The following SGCZ variants were observed in gnomAD, a reference collection of about 807,000 sequenced individuals.
The protein encoded by SGCZ is zeta-sarcoglycan.
In SGCZ, 40 loss-of-function variants were observed where a neutral mutation model predicts 41.3. The ratio of observed to expected loss-of-function variants is 0.97; its 90% CI spans 0.75 to 1.26. The LOEUF (loss-of-function observed/expected upper bound fraction) is 1.26, where lower values mean the gene tolerates loss of function less well. Among genes scored for constraint, SGCZ ranks in the 50% most tolerant of loss-of-function variants. The probability of loss-of-function intolerance (pLI) is 0.00; values close to 1 mark genes in which losing one functional copy is unlikely to be tolerated. For missense variants in SGCZ, 552 were observed against 369.8 expected (o/e 1.49, Z -4.04); for synonymous variants, 206 against 137.5 (o/e 1.50, Z -3.49).
intron 4 of SGCZ, among the ~76,000 whole-genome samples, chr8:14,175,866 TA>T (rs1372724770): frequency 6.6e-6 from 1 of 152,006 alleles, no homozygotes; most frequent in African/African-American, 2.4e-5. Context: ...CAAAAATAAT[TA>T]AATTGATGAG....
At chr8:14,308,190 G>C (rs966981128) in intron 3 of SGCZ, among the ~76,000 whole-genome samples, 6 of 152,010 alleles carry the variant, frequency 3.9e-5, no homozygotes, top group African/African-American at 1.4e-4. Context: ...ATTACAAGAG[G>C]AGATTATACC....
chr8:14,861,417 T>C (rs1311306869), intron 1 of SGCZ, among the ~76,000 whole-genome samples: 2 of 152,234 alleles, frequency 1.3e-5, no homozygotes, highest in African/African-American at 4.8e-5. Context: ...AATGCTCTTG[T>C]AAGAATGAAA....
Position 14,164,791 on chromosome 8 carries a change from A to G in SGCZ, c.425-89T>C, listed in dbSNP as rs58041255. 4,021 of 1,428,820 alleles carry G rather than the reference A, an allele frequency of 2.8e-3. 119 individuals are homozygous for G. In the African/African-American group the frequency reaches 0.053, roughly 19 times the overall value. 88.5% of individuals were successfully genotyped at this position (1,428,820 alleles called of 1,614,324 possible). ...TTGGAAATAGACTAGAAATGCATAT[A>G]TTATTTAATTTGTTTATCTCTGCTG... On this transcript the variant is annotated intron_variant, in intron 4 of 7. Coordinates refer to ENST00000382080, the MANE Select transcript of SGCZ (RefSeq NM_139167.4).
chr8:15,016,063 A>G (rs1803021715), intron 1 of SGCZ, among the ~76,000 whole-genome samples: 1 of 152,086 alleles, frequency 6.6e-6, no homozygotes. Flanking sequence ...CCCCTCCATT[A>G]TATCCTGCTG....
At chr8:14,477,018 G>C (rs951056281) in intron 2 of SGCZ, among the ~76,000 whole-genome samples, 2 of 151,990 alleles carry the variant, frequency 1.3e-5, no homozygotes, top group African/African-American at 4.8e-5. Flanking sequence ...AAATATTTGA[G>C]GACTGCCTAC....
At chr8:14,688,548 A>C (rs529941493) in intron 1 of SGCZ, among the ~76,000 whole-genome samples, 1 of 152,104 alleles carries the variant, frequency 6.6e-6, no homozygotes, top group South Asian at 2.1e-4. Context: ...TGTTCCACTG[A>C]TCTATATCTC....
chr8:14,324,088 G>C lies in SGCZ; in HGVS notation c.336+15C>G. On this transcript the variant is annotated intron_variant, in intron 3 of 7. Transcript: ENST00000382080. Reference sequence around the variant, plus strand: ...AAATTATCTTTTAGAGTAAGCCAAAGCCAGTATCACATACCTTTCGAGAAT... The same window carrying C: ...AAATTATCTTTTAGAGTAAGCCAAACCCAGTATCACATACCTTTCGAGAAT... 1 of 1,558,250 alleles carries C rather than the reference G, an allele frequency of 6.4e-7. No individual in the cohort carries two copies. The highest frequency in any genetic ancestry group is 8.8e-7 in the Non-Finnish European group (1 of 1,131,370).
chr8:15,056,618 G>T (rs895037869), intron 1 of SGCZ, among the ~76,000 whole-genome samples: 1 of 151,160 alleles, frequency 6.6e-6, no homozygotes, highest in Middle Eastern at 3.2e-3. Flanking sequence ...CTTTGTAACT[G>T]TATTTTAATC....
At chr8:14,191,333 T>C (rs779328778) in intron 4 of SGCZ, among the ~76,000 whole-genome samples, 27 of 152,340 alleles carry the variant, frequency 1.8e-4, no homozygotes, top group Non-Finnish European at 3.2e-4. Context: ...TGAAAGTTTT[T>C]AGTTTGATAC....
chr8:14,731,687 T>G (rs923181343), intron 1 of SGCZ, among the ~76,000 whole-genome samples: 5 of 152,208 alleles, frequency 3.3e-5, no homozygotes, highest in Admixed American at 2.6e-4. Context: ...TTCCATTTCA[T>G]TGTACATATG....
At chr8:14,910,985 T>C (rs1799265675) in intron 1 of SGCZ, among the ~76,000 whole-genome samples, 1 of 151,940 alleles carries the variant, frequency 6.6e-6, no homozygotes, top group African/African-American at 2.4e-5. Flanking sequence ...AACAATCATA[T>C]CACTCATTTT....
intron 2 of SGCZ, among the ~76,000 whole-genome samples, chr8:14,405,117 T>G (rs1799175931): frequency 6.6e-6 from 1 of 152,194 alleles, no homozygotes; most frequent in Non-Finnish European, 1.5e-5. Context: ...TCAAATTTGG[T>G]AAGGGCTGAC....
chr8:14,524,697 T>C (rs1802887233), intron 2 of SGCZ, among the ~76,000 whole-genome samples: 1 of 152,140 alleles, frequency 6.6e-6, no homozygotes, highest in Admixed American at 6.6e-5. Flanking sequence ...TTATTTACCT[T>C]TGAACAAACC....
intron 1 of SGCZ, among the ~76,000 whole-genome samples, chr8:15,142,426 G>A (rs980645179): frequency 2.0e-5 from 3 of 152,072 alleles, no homozygotes; most frequent in Non-Finnish European, 4.4e-5. Flanking sequence ...AAAATTGGGA[G>A]TACCTAGAGC....
At chr8:14,751,974 A>G (rs1293989246) in intron 1 of SGCZ, among the ~76,000 whole-genome samples, 2 of 151,884 alleles carry the variant, frequency 1.3e-5, no homozygotes, top group African/African-American at 4.8e-5. Context: ...ACCTTAGAGG[A>G]TTTGAGGACA....
chr8:14,676,157 T>C (rs544386344), intron 1 of SGCZ, among the ~76,000 whole-genome samples: 4 of 152,178 alleles, frequency 2.6e-5, no homozygotes, highest in South Asian at 2.1e-4. Flanking sequence ...ACACATGATA[T>C]AATGTTGAAC....
At chr8:14,788,810 A>G (rs1800853668) in intron 1 of SGCZ, among the ~76,000 whole-genome samples, 1 of 152,088 alleles carries the variant, frequency 6.6e-6, no homozygotes, top group Non-Finnish European at 1.5e-5. Context: ...TGAACTGATC[A>G]ATATAAAGAC....
At chr8:14,377,618 T>C (rs929613785) in intron 2 of SGCZ, among the ~76,000 whole-genome samples, 4 of 152,058 alleles carry the variant, frequency 2.6e-5, no homozygotes, top group African/African-American at 4.8e-5. Context: ...CATGCTGGTG[T>C]GCTGCACCCA....
intron 1 of SGCZ, among the ~76,000 whole-genome samples, chr8:15,019,405 C>G (rs938940584): frequency 6.6e-6 from 1 of 152,116 alleles, no homozygotes; most frequent in Non-Finnish European, 1.5e-5. Context: ...CTTAATGAAA[C>G]AGGATATGTT....
Sources: allele counts gnomAD v4.1 joint callset (sites outside exome capture counted in the v4.1 genomes callset), GRCh38; gene constraint gnomAD v4.1.1; transcripts MANE v1.5; gene names NCBI Gene and HGNC (gene_info 2026-07-23, HGNC 2026-07-21).